The following TENM3 variants were observed in gnomAD, a reference collection of about 807,000 sequenced individuals.
TENM3 encodes teneurin-3.
Under a neutral mutation model 255.1 loss-of-function variants are expected in TENM3, and 63 were observed. That is an observed-to-expected ratio of 0.25 (90% CI 0.20 to 0.30). The LOEUF (loss-of-function observed/expected upper bound fraction) is 0.30. Ranked by LOEUF, TENM3 falls within the 10% of genes least tolerant of loss-of-function variation. TENM3 has a pLI of 1.00. For synonymous variants in TENM3, 1,306 were observed against 1,322.3 expected (o/e 0.99, Z 0.27); for missense variants, 2,929 against 3,461.1 (o/e 0.85, Z 3.86).
At chr4:182,293,870 G>T (rs1029716495) in intron 1 of TENM3, among the ~76,000 whole-genome samples, 1 of 152,082 alleles carries the variant, frequency 6.6e-6, no homozygotes, top group African/African-American at 2.4e-5. Flanking sequence ...TCGCACTGAG[G>T]TATGAATGAG....
Position 182,586,522 on chromosome 4 carries a change from G to A in TENM3, c.512-14402G>A, listed in dbSNP as rs562774484. ...CACACAAAAAACATACCCCCAAATTGTTAATGACAGAGAAGGGAATTCAGC... is the reference window on the plus strand; with the variant it reads ...CACACAAAAAACATACCCCCAAATTATTAATGACAGAGAAGGGAATTCAGC... On this transcript the variant is annotated intron_variant, in intron 3 of 27. Transcript: ENST00000511685. 2.6e-5 allele frequency among the ~76,000 whole-genome samples: 4 copies of A among 152,278 alleles called. No homozygotes were observed. In the South Asian group the frequency reaches 6.2e-4, roughly 24 times the overall value.
At chr4:182,245,198 G>T (rs151130097) in intron 1 of TENM3, among the ~76,000 whole-genome samples, 1 of 152,156 alleles carries the variant, frequency 6.6e-6, no homozygotes, top group African/African-American at 2.4e-5. Context: ...CTTAATCCAT[G>T]GGCTTTGTTT....
chr4:182,741,667 A>G (rs1579308384), intron 18 of TENM3, among the ~76,000 whole-genome samples: 1 of 152,352 alleles, frequency 6.6e-6, no homozygotes, highest in East Asian at 1.9e-4. Flanking sequence ...TCACTAATGC[A>G]TTCTTTGAAT....
chr4:182,252,144 C>T (rs1351258998), intron 1 of TENM3, among the ~76,000 whole-genome samples: 1 of 151,722 alleles, frequency 6.6e-6, no homozygotes, highest in African/African-American at 2.4e-5. Context: ...GATTACGCCA[C>T]TGCACTCCAG....
chr4:182,331,461 G>T (rs963744068), intron 2 of TENM3, among the ~76,000 whole-genome samples: 1 of 152,112 alleles, frequency 6.6e-6, no homozygotes. Context: ...CACAAGAAGC[G>T]CTTGAACCCT....
At chr4:182,227,768 A>G (rs947684032) in intron 1 of TENM3, among the ~76,000 whole-genome samples, 165 of 151,854 alleles carry the variant, frequency 1.1e-3, no homozygotes, top group African/African-American at 3.8e-3. Context: ...ATTCCTTTTC[A>G]ACACTTTAGA....
chr4:182,419,805 G>A (rs963406717), intron 3 of TENM3, among the ~76,000 whole-genome samples: 6 of 150,320 alleles, frequency 4.0e-5, no homozygotes, highest in African/African-American at 1.2e-4. Flanking sequence ...TCACTCATAG[G>A]TGGGAACTGA....
At chr4:182,179,458 G>T (rs72696030) in intron 1 of TENM3, among the ~76,000 whole-genome samples, 18 of 152,154 alleles carry the variant, frequency 1.2e-4, no homozygotes, top group African/African-American at 4.3e-4. Flanking sequence ...GGCATTTCTC[G>T]ATTCAACTGC....
chr4:182,224,831 G>C lies in TENM3; in HGVS notation c.-76+80077G>C, dbSNP rs555724741. Among the ~76,000 whole-genome samples, 17 of 151,612 alleles carry C rather than the reference G, an allele frequency of 1.1e-4. No homozygotes were observed. The East Asian group carries it at 1.8e-3, about 16-fold the overall frequency. On this transcript the variant is annotated intron_variant, in intron 1 of 2. Transcript: ENST00000512480. ...GGCTCACTGTAAACTCCGCCTCCCA[G>C]GTTCAAGCAATTCTCCTGCCTCAGC...
chr4:182,357,890 T>C (rs1765674915), intron 3 of TENM3, among the ~76,000 whole-genome samples: 1 of 151,882 alleles, frequency 6.6e-6, no homozygotes, highest in East Asian at 1.9e-4. Context: ...GAATTGATTT[T>C]TGTATAAGGT....
At chr4:182,492,094 T>C (rs923961171) in intron 3 of TENM3, among the ~76,000 whole-genome samples, 2 of 152,082 alleles carry the variant, frequency 1.3e-5, no homozygotes, top group Non-Finnish European at 1.5e-5. Context: ...CCAGATAGGG[T>C]GGTTCTCAAA....
chr4:181,839,384 T>TATATATATATATATACAC, the TENM3 span, among the ~76,000 whole-genome samples: 3 of 83,494 alleles, frequency 3.6e-5, no homozygotes, highest in Admixed American at 1.3e-4. Context: ...TATATATATA[T>TATATATATATATATACAC]ACACCTATAT....
At chr4:181,915,349 T>C in the TENM3 span, among the ~76,000 whole-genome samples, 2 of 152,196 alleles carry the variant, frequency 1.3e-5, no homozygotes, top group African/African-American at 4.8e-5. Context: ...AGATACTTTA[T>C]TTCACAAATA....
intron 3 of TENM3, among the ~76,000 whole-genome samples, chr4:182,442,804 G>A (rs139992527): frequency 8.8e-5 from 13 of 148,220 alleles, no homozygotes; most frequent in East Asian, 2.0e-4. Flanking sequence ...GTGTGTGTGT[G>A]TATATACACA....
At chr4:182,733,444 C>T (rs1259709163) in intron 16 of TENM3, among the ~76,000 whole-genome samples, 6 of 151,988 alleles carry the variant, frequency 3.9e-5, no homozygotes, top group Non-Finnish European at 8.8e-5. Context: ...AGGGTGGAAA[C>T]AAGGAGGCCA....
chr4:182,192,359 A>G (rs1040464276), intron 1 of TENM3, among the ~76,000 whole-genome samples: 1 of 152,320 alleles, frequency 6.6e-6, no homozygotes, highest in South Asian at 2.1e-4. Context: ...ACAAGGAAGG[A>G]CTATCTTTGT....
At chr4:181,473,465 A>C in the TENM3 span, among the ~76,000 whole-genome samples, 1 of 151,952 alleles carries the variant, frequency 6.6e-6, no homozygotes, top group East Asian at 1.9e-4. Flanking sequence ...GGCGACACGC[A>C]CCTGTGGTCC....
chr4:182,356,193 C>G (rs1166994770), intron 3 of TENM3, among the ~76,000 whole-genome samples: 1 of 152,042 alleles, frequency 6.6e-6, no homozygotes, highest in Non-Finnish European at 1.5e-5. Context: ...CTGTGATCAG[C>G]AGAGTCAAAA....
At chr4:181,534,304 T>C in the TENM3 span, among the ~76,000 whole-genome samples, 2 of 152,004 alleles carry the variant, frequency 1.3e-5, no homozygotes, top group African/African-American at 2.4e-5. Flanking sequence ...TAAATTGGTA[T>C]AGAACATAAA....
Sources: gnomAD v4.1 joint callset for allele counts (sites outside exome capture counted in the v4.1 genomes callset) on GRCh38, gnomAD v4.1.1 for gene constraint, MANE v1.5 for transcripts, NCBI Gene and HGNC (gene_info 2026-07-23, HGNC 2026-07-21) for gene names.